STK32A: variants seen among roughly 807,000 people sequenced by gnomAD.
STK32A encodes the protein serine/threonine-protein kinase 32A.
In STK32A, 41 loss-of-function variants were observed where a neutral mutation model predicts 53.2. The ratio of observed to expected loss-of-function variants is 0.77; its 90% CI spans 0.60 to 1.00. STK32A has a LOEUF of 1.00. Among genes scored for constraint, STK32A ranks in the 50% least tolerant of loss-of-function variants. The pLI, the probability that STK32A is intolerant of heterozygous loss-of-function variation, is 0.00. For missense variants in STK32A, 458 were observed against 485.8 expected (o/e 0.94, Z 0.54); for synonymous variants, 166 against 162.8 (o/e 1.02, Z -0.15).
At chr5:147,371,876 A>C (rs568358831) in intron 9 of STK32A, among the ~76,000 whole-genome samples, 2 of 152,326 alleles carry the variant, frequency 1.3e-5, no homozygotes, top group South Asian at 4.1e-4. Context: ...ACCCTTCTAC[A>C]TAGTTTGGGA....
chr5:147,349,778 T>C (rs1329932152), intron 6 of STK32A, among the ~76,000 whole-genome samples: 1 of 152,154 alleles, frequency 6.6e-6, no homozygotes, highest in Non-Finnish European at 1.5e-5. Context: ...CCAGGCCTCC[T>C]GGCTCCCAGT....
In STK32A at chr5:147,270,325, A is replaced by G. The variant is rs1315480981; in HGVS notation, c.53-7799A>G. Among the ~76,000 whole-genome samples the G allele has an allele frequency of 2.0e-5, 3 of 152,090 alleles. No homozygotes were observed. In the East Asian group the frequency reaches 5.8e-4, roughly 29 times the overall value. On this transcript the variant is annotated intron_variant, in intron 2 of 12. Transcript: ENST00000397936. ...GCTTAAGGGCTCATGTAATCCTCCC[A>G]TCTTAGCCTCCCAAGTAGATGGGAC...
chr5:147,375,351 C>A, intron 11 of STK32A, 133 bp downstream of exon 11: 2 of 1,221,406 alleles, frequency 1.6e-6, no homozygotes, highest in Non-Finnish European at 2.2e-6. Flanking sequence ...AGTAGATCAG[C>A]CGGGTTTCTA....
At chr5:147,280,913 C>T (rs560577503) in intron 4 of STK32A, among the ~76,000 whole-genome samples, 2 of 152,184 alleles carry the variant, frequency 1.3e-5, no homozygotes, top group Non-Finnish European at 2.9e-5. Context: ...CCAGAATAGG[C>T]ACTGGTATCC....
chr5:147,362,924 C>CT (rs34446286), intron 8 of STK32A, among the ~76,000 whole-genome samples: 6,710 of 148,156 alleles, frequency 0.045, 473 homozygotes, highest in African/African-American at 0.16. Context: ...TCTACAACAC[C>CT]TTTTTTTTTT....
At chr5:147,272,723 T>A (rs1396596409) in intron 2 of STK32A, among the ~76,000 whole-genome samples, 4 of 152,298 alleles carry the variant, frequency 2.6e-5, no homozygotes, top group South Asian at 2.1e-4. Context: ...CTTAAAAAAA[T>A]TTGTAATTTT....
At chr5:147,256,449 C>T (rs1174213977) in intron 2 of STK32A, among the ~76,000 whole-genome samples, 2 of 152,174 alleles carry the variant, frequency 1.3e-5, no homozygotes, top group East Asian at 3.9e-4. Context: ...TCTAACCAGG[C>T]ATTTGCATCT....
the STK32A span, among the ~76,000 whole-genome samples, chr5:147,397,472 T>C: frequency 3.9e-5 from 6 of 152,212 alleles, no homozygotes; most frequent in Admixed American, 6.5e-5. Flanking sequence ...AAAAAAGCTC[T>C]CTTTGAACAA....
chr5:147,346,654 G>A (rs1458159708), intron 6 of STK32A, among the ~76,000 whole-genome samples: 1 of 152,116 alleles, frequency 6.6e-6, no homozygotes, highest in African/African-American at 2.4e-5. Context: ...TAGGTCTTGG[G>A]TGACTCCTGA....
At chr5:147,251,074 G>A (rs758342021) in intron 2 of STK32A, among the ~76,000 whole-genome samples, 3 of 152,066 alleles carry the variant, frequency 2.0e-5, no homozygotes, top group Non-Finnish European at 4.4e-5. Context: ...TAATATAATG[G>A]ATTTTTTTAA....
chr5:147,350,976 G>A, intron 6 of STK32A, 89 bp from the exon 7 acceptor site: 2 of 1,088,710 alleles, frequency 1.8e-6, no homozygotes, highest in Non-Finnish European at 2.8e-6. Flanking sequence ...AGAATTAACA[G>A]ACTAATTGGG....
chr5:147,366,550 TC>T (rs1756755983), intron 8 of STK32A, among the ~76,000 whole-genome samples: 1 of 152,200 alleles, frequency 6.6e-6, no homozygotes, highest in Non-Finnish European at 1.5e-5. Context: ...AGAAACATTC[TC>T]TGACCTCCCT....
At chr5:147,249,553 A>C (rs1441075635) in intron 2 of STK32A, among the ~76,000 whole-genome samples, 3 of 152,078 alleles carry the variant, frequency 2.0e-5, no homozygotes, top group African/African-American at 7.2e-5. Context: ...TGAATTTATC[A>C]TTGTAATTTT....
intron 2 of STK32A, among the ~76,000 whole-genome samples, chr5:147,259,462 C>G (rs1754394402): frequency 6.6e-6 from 1 of 151,984 alleles, no homozygotes; most frequent in African/African-American, 2.4e-5. Flanking sequence ...TTTATACTTA[C>G]AACAAGGTGG....
At chr5:147,243,738 C>A (rs868816194) in intron 2 of STK32A, among the ~76,000 whole-genome samples, 627 of 133,998 alleles carry the variant, frequency 4.7e-3, no homozygotes, top group Non-Finnish European at 5.6e-3. Flanking sequence ...AGACTCTGTC[C>A]AAAAAAAAAC....
intron 4 of STK32A, among the ~76,000 whole-genome samples, chr5:147,307,081 G>A (rs377351745): frequency 1.3e-5 from 2 of 151,848 alleles, no homozygotes; most frequent in Non-Finnish European, 2.9e-5. Flanking sequence ...AAAATATAGC[G>A]ACCATAATAT....
Position 147,384,247 on chromosome 5 carries a change from G to C in STK32A, c.*264G>C. On this transcript the variant is annotated 3_prime_UTR_variant, in exon 13 of 13. Coordinates refer to ENST00000397936, the MANE Select transcript of STK32A (RefSeq NM_001112724.2). ...TTTACTTTATTTATCTAAAATGAGA[G>C]GGTTATACTAGACGAGCCATACCCT... 1 of 1,336,198 alleles carries C rather than the reference G, an allele frequency of 7.5e-7. No individual in the cohort carries two copies. Among genetic ancestry groups the C allele is most frequent in the South Asian group, 1.8e-5 (1 of 56,598 alleles). The allele number at this position is 1,336,198 out of a possible 1,614,324, so 82.8% of individuals were successfully genotyped here.
intron 4 of STK32A, among the ~76,000 whole-genome samples, chr5:147,298,431 A>G (rs1373190386): frequency 6.6e-6 from 1 of 152,216 alleles, no homozygotes; most frequent in Non-Finnish European, 1.5e-5. Context: ...TAATTTAGGT[A>G]TTTTAAAAGG....
At chr5:147,361,052 C>T (rs1480172042) in intron 7 of STK32A, among the ~76,000 whole-genome samples, 1 of 152,168 alleles carries the variant, frequency 6.6e-6, no homozygotes, top group Non-Finnish European at 1.5e-5. Flanking sequence ...CAAGTGCTTC[C>T]CTTGCTGCTT....
Sources: allele counts gnomAD v4.1 joint callset (sites outside exome capture counted in the v4.1 genomes callset), GRCh38; gene constraint gnomAD v4.1.1; transcripts MANE v1.5; gene names NCBI Gene and HGNC (gene_info 2026-07-23, HGNC 2026-07-21).